The following SKAP1 variants were observed in gnomAD, a reference collection of about 807,000 sequenced individuals.
SKAP1 encodes src kinase-associated phosphoprotein 1.
Under a neutral mutation model 58.5 loss-of-function variants are expected in SKAP1, and 44 were observed. The observed-to-expected ratio is 0.75, with a 90% confidence interval of 0.59 to 0.97. SKAP1 has a LOEUF of 0.97. Ranked by LOEUF, SKAP1 falls within the 50% of genes least tolerant of loss-of-function variation. SKAP1 has a pLI of 0.00. For missense variants in SKAP1, 390 were observed against 435.2 expected (o/e 0.90, Z 0.92); for synonymous variants, 127 against 149.7 (o/e 0.85, Z 1.11).
chr17:48,431,736 TCAACCTACAG>T (rs562925220), upstream of SKAP1, among the ~76,000 whole-genome samples: 46 of 152,312 alleles, frequency 3.0e-4, no homozygotes, highest in African/African-American at 1.0e-3. Flanking sequence ...ATTCTCAGAC[TCAACCTACAG>T]AATATGTAGA....
intron 4 of SKAP1, among the ~76,000 whole-genome samples, chr17:48,282,669 T>C (rs1176472526): frequency 6.6e-6 from 1 of 151,860 alleles, no homozygotes; most frequent in Non-Finnish European, 1.5e-5. Flanking sequence ...AGCTACTTAG[T>C]AGGCTGAGGT....
intron 4 of SKAP1, among the ~76,000 whole-genome samples, chr17:48,240,275 A>G (rs1428750542): frequency 6.6e-6 from 1 of 152,228 alleles, no homozygotes; most frequent in African/African-American, 2.4e-5. Context: ...TCCTGAGCTG[A>G]CAACTGAAGT....
chr17:48,160,816 C>T (rs889704496), intron 11 of SKAP1, among the ~76,000 whole-genome samples: 9 of 152,204 alleles, frequency 5.9e-5, no homozygotes, highest in Admixed American at 1.3e-4. Context: ...GTGGATAACT[C>T]GATTACCCCT....
intron 11 of SKAP1, among the ~76,000 whole-genome samples, chr17:48,155,482 G>A (rs934267860): frequency 1.3e-5 from 2 of 152,074 alleles, no homozygotes; most frequent in African/African-American, 2.4e-5. Context: ...CAAGAAGACA[G>A]GGTCACTTTT....
At chr17:48,436,392 A>G in the SKAP1 span, among the ~76,000 whole-genome samples, 1 of 152,164 alleles carries the variant, frequency 6.6e-6, no homozygotes, top group Middle Eastern at 3.4e-3. Context: ...CCCGGCCTCT[A>G]TTCTTAAATA....
chr17:48,286,532 T>C (rs1353087418), intron 4 of SKAP1, among the ~76,000 whole-genome samples: 3 of 152,218 alleles, frequency 2.0e-5, no homozygotes, highest in Non-Finnish European at 4.4e-5. Context: ...ACACTTCAAA[T>C]AGTATATGTG....
chr17:48,205,032 T>TC (rs2064789978), intron 4 of SKAP1, among the ~76,000 whole-genome samples: 3 of 44,488 alleles, frequency 6.7e-5, no homozygotes, highest in African/African-American at 1.9e-4. Flanking sequence ...TCTTTCTTTC[T>TC]TTCTTTCTCT....
At chr17:48,155,948 C>T (rs1227084977) in intron 11 of SKAP1, among the ~76,000 whole-genome samples, 1 of 152,242 alleles carries the variant, frequency 6.6e-6, no homozygotes, top group African/African-American at 2.4e-5. Context: ...CAGGGCACCA[C>T]ACTATCACAC....
At chr17:48,410,842 G>A (rs926351123) in intron 1 of SKAP1, among the ~76,000 whole-genome samples, 6 of 146,114 alleles carry the variant, frequency 4.1e-5, no homozygotes, top group East Asian at 2.0e-4. Context: ...CACAAGAATC[G>A]CTTGAACCCA....
At chr17:48,395,922 C>T (rs962724382) in intron 2 of SKAP1, among the ~76,000 whole-genome samples, 6 of 152,064 alleles carry the variant, frequency 3.9e-5, no homozygotes, top group Non-Finnish European at 5.9e-5. Flanking sequence ...AAATTAAATC[C>T]CAACCATAAC....
chr17:48,227,151 T>C (rs2065078534), intron 4 of SKAP1, among the ~76,000 whole-genome samples: 1 of 152,310 alleles, frequency 6.6e-6, no homozygotes, highest in African/African-American at 2.4e-5. Flanking sequence ...ATCTCAAGTT[T>C]TACTTCAGTT....
chr17:48,220,272 ACAATATTTC>A (rs1180057806), intron 4 of SKAP1, among the ~76,000 whole-genome samples: 3 of 152,250 alleles, frequency 2.0e-5, no homozygotes, highest in African/African-American at 7.2e-5. Flanking sequence ...AGCATTATTT[ACAATATTTC>A]CAAAGCAGAA....
At chr17:48,439,698 T>TGCAAAATA in the SKAP1 span, among the ~76,000 whole-genome samples, 2 of 152,176 alleles carry the variant, frequency 1.3e-5, no homozygotes, top group Non-Finnish European at 2.9e-5. Flanking sequence ...CTACCAGATG[T>TGCAAAATA]GCAAAATAGA....
At chr17:48,222,135 G>A (rs1363658409) in intron 4 of SKAP1, among the ~76,000 whole-genome samples, 2 of 152,178 alleles carry the variant, frequency 1.3e-5, no homozygotes, top group Non-Finnish European at 2.9e-5. Context: ...GCTACAGTTA[G>A]CTACAGGCTT....
chr17:48,304,234 T>C (rs1347913673), intron 4 of SKAP1, among the ~76,000 whole-genome samples: 2 of 152,214 alleles, frequency 1.3e-5, no homozygotes, highest in Non-Finnish European at 2.9e-5. Context: ...ATATGCATTT[T>C]TGGAAAATCC....
intron 4 of SKAP1, among the ~76,000 whole-genome samples, chr17:48,272,046 A>G (rs1181462988): frequency 6.6e-6 from 1 of 152,230 alleles, no homozygotes; most frequent in Non-Finnish European, 1.5e-5. Context: ...AATGATAGAT[A>G]ACTATGTACT....
chr17:48,360,867 C>A (rs1286221306), intron 3 of SKAP1, among the ~76,000 whole-genome samples: 1 of 151,810 alleles, frequency 6.6e-6, no homozygotes, highest in Non-Finnish European at 1.5e-5. Context: ...TTTTTTCCCA[C>A]TATGTCAAGG....
intron 4 of SKAP1, among the ~76,000 whole-genome samples, chr17:48,260,555 C>A (rs1013781667): frequency 3.9e-5 from 6 of 152,066 alleles, no homozygotes; most frequent in Non-Finnish European, 8.8e-5. Context: ...GTTGTATTAT[C>A]GGTTCAATTT....
intron 4 of SKAP1, among the ~76,000 whole-genome samples, chr17:48,234,018 A>G (rs1259826563): frequency 6.6e-6 from 1 of 152,230 alleles, no homozygotes; most frequent in Non-Finnish European, 1.5e-5. Context: ...TAGCAATTTA[A>G]TAAGTACATG....
Sources: allele counts gnomAD v4.1 joint callset (sites outside exome capture counted in the v4.1 genomes callset), GRCh38; gene constraint gnomAD v4.1.1; transcripts MANE v1.5; gene names NCBI Gene and HGNC (gene_info 2026-07-23, HGNC 2026-07-21).